Variants in KIR3DL1 observed in about 807,000 individuals in gnomAD.
KIR3DL1 encodes killer cell immunoglobulin-like receptor 3DL1.
A neutral mutation model predicts 40.3 loss-of-function variants in KIR3DL1; 50 were observed. The ratio of observed to expected loss-of-function variants is 1.24; its 90% CI spans 0.99 to 1.57. KIR3DL1 has a LOEUF of 1.57. KIR3DL1 is among the 40% of genes most tolerant of loss of function. KIR3DL1 has a pLI of 0.00. For missense variants in KIR3DL1, 661 were observed against 559.9 expected (o/e 1.18, Z -1.82); for synonymous variants, 257 against 207.2 (o/e 1.24, Z -2.07).
intron 5 of KIR3DL1, among the ~76,000 whole-genome samples, chr19:54,824,685 C>CA (rs1162667016): frequency 3.0e-5 from 3 of 101,676 alleles, no homozygotes; most frequent in African/African-American, 1.0e-4. Context: ...CACACACACA[C>CA]AAAAAAAGCC....
intron 6 of KIR3DL1, among the ~76,000 whole-genome samples, chr19:54,827,338 C>G (rs1326922526): frequency 6.6e-6 from 1 of 151,064 alleles, no homozygotes; most frequent in Non-Finnish European, 1.5e-5. Flanking sequence ...ACTCCTGTAA[C>G]CCAGCACTGC....
At chr19:54,819,622 G>A (rs2061527835) in intron 3 of KIR3DL1, 91 bp from the exon 4 acceptor site, 4 of 1,437,544 alleles carry the variant, frequency 2.8e-6, no homozygotes, top group Admixed American at 1.9e-5. Flanking sequence ...GAGAGAGACA[G>A]ACACGGGGAG....
At chr19:54,817,381 G>A (rs2061403432) in intron 1 of KIR3DL1, among the ~76,000 whole-genome samples, 153 bp from the exon 2 acceptor site, 2 of 146,366 alleles carry the variant, frequency 1.4e-5, no homozygotes, top group South Asian at 2.2e-4. Context: ...CTGCACAGCC[G>A]AGATCCTTGT....
At chr19:54,816,966 T>A (rs1397726412) in intron 1 of KIR3DL1, among the ~76,000 whole-genome samples, 1 of 135,652 alleles carries the variant, frequency 7.4e-6, no homozygotes, top group Non-Finnish European at 1.5e-5. Flanking sequence ...GGAGTGGAGA[T>A]ATGGGCCTAG....
Position 54,820,028 on chromosome 19 carries a change from C to T in KIR3DL1, c.655+16C>T, listed in dbSNP as rs765078485. 3.1e-6 allele frequency: 5 copies of T among 1,603,472 alleles called. No homozygotes were observed. Among genetic ancestry groups the T allele is most frequent in the Non-Finnish European group, 4.3e-6 (5 of 1,173,908 alleles). On this transcript the variant is annotated intron_variant, in intron 4 of 8. Transcript: ENST00000391728. ...GTGGTCACAGGTGAGAGTGTCTAGA[C>T]ATTGTTCTCATTGTCACTGGGACAC...
At chr19:54,827,922 TG>T (rs1418992447) in intron 6 of KIR3DL1, among the ~76,000 whole-genome samples, 7 of 150,060 alleles carry the variant, frequency 4.7e-5, no homozygotes, top group South Asian at 2.1e-4. Context: ...TCCAATCACC[TG>T]TGGAAATACA....
rs1450686780 is a variant in KIR3DL1, at chr19:54,818,999, G to A, written c.355+400G>A. Among the ~76,000 whole-genome samples, 7 of 150,854 alleles carry A rather than the reference G, an allele frequency of 4.6e-5. No homozygotes were observed. In the East Asian group the frequency reaches 5.8e-4, roughly 13 times the overall value. On this transcript the variant is annotated intron_variant, in intron 3 of 8. Coordinates refer to ENST00000391728, the Ensembl canonical transcript of KIR3DL1. ...GGAGGGAGACGCTATCAGCCACTGC[G>A]GGCTTTGAAGGTGGAGGAAGACCAC...
intron 6 of KIR3DL1, among the ~76,000 whole-genome samples, chr19:54,827,467 C>T (rs28382394): frequency 0.044 from 6,613 of 149,926 alleles, 379 homozygotes; most frequent in East Asian, 0.09. Context: ...CAAAAATTAG[C>T]CGAGCATGGT....
intron 5 of KIR3DL1, among the ~76,000 whole-genome samples, chr19:54,822,389 C>T (rs1371351474): frequency 6.6e-6 from 1 of 151,130 alleles, no homozygotes; most frequent in Non-Finnish European, 1.5e-5. Flanking sequence ...CTTTGAGAGG[C>T]CAAGGAAGGT....
At chr19:54,817,030 G>T (rs2061378850) in intron 1 of KIR3DL1, among the ~76,000 whole-genome samples, 1 of 147,018 alleles carries the variant, frequency 6.8e-6, no homozygotes, top group African/African-American at 2.6e-5. Flanking sequence ...GGAGATCTGG[G>T]CCTGGAGTGG....
chr19:54,819,705 C>T lies in KIR3DL1; in HGVS notation c.356-8C>T, dbSNP rs1358907782. On this transcript the variant is annotated splice_polypyrimidine_tract_variant and splice_region_variant and intron_variant, in intron 3 of 8. Coordinates refer to ENST00000391728, the Ensembl canonical transcript of KIR3DL1. ...GATGCCTTCTAAACTCACAACTTCT[C>T]TTTCTAGGAAACCACAGAAAACCTT... 1,185 of 1,606,044 alleles carry T rather than the reference C, an allele frequency of 7.4e-4. 31 individuals carry two copies. In the Admixed American group the frequency reaches 0.013, roughly 18 times the overall value.
At chr19:54,821,513 G>A in intron 4 of KIR3DL1, 52 bp from the exon 5 acceptor site, 1 of 1,563,262 alleles carries the variant, frequency 6.4e-7, no homozygotes, top group East Asian at 2.3e-5. Flanking sequence ...GGTATGAGGG[G>A]AGCTATGACA....
intron 6 of KIR3DL1, among the ~76,000 whole-genome samples, chr19:54,825,329 T>C (rs2061828472): frequency 6.6e-6 from 1 of 150,868 alleles, no homozygotes; most frequent in South Asian, 2.1e-4. Flanking sequence ...CTGACATCCT[T>C]CTCAGGAAAC....
Position 54,821,926 on chromosome 19 carries a change from A to G in KIR3DL1, c.949+68A>G, listed in dbSNP as rs925160953. 3.3e-6 allele frequency: 5 copies of G among 1,520,092 alleles called. No homozygotes were observed. In the African/African-American group the frequency reaches 5.6e-5, roughly 17 times the overall value. 94.2% of individuals were successfully genotyped at this position (1,520,092 alleles called of 1,614,324 possible). ...TCCTTAGCTAAGGAGCTTCCTGCTG[A>G]TGATGGAGAAAAGCATGGACAGATG... is the stretch of plus-strand genomic sequence containing the variant. On this transcript the variant is annotated intron_variant, in intron 5 of 8. Transcript: ENST00000391728.
chr19:54,816,811 T>TATGG (rs10664307), intron 1 of KIR3DL1, among the ~76,000 whole-genome samples: 22,760 of 83,306 alleles, frequency 0.27, 4,267 homozygotes, highest in East Asian at 0.49. Flanking sequence ...GGAGGGGAGA[T>TATGG]ATGGGCCTGG....
intron 1 of KIR3DL1, among the ~76,000 whole-genome samples, chr19:54,816,849 T>G (rs1601289500): frequency 1.1e-5 from 1 of 90,292 alleles, no homozygotes; most frequent in African/African-American, 5.0e-5. Context: ...AGAGGTGGAG[T>G]GATGGGCCTA....
At chr19:54,822,195 AC>A (rs2061674819) in intron 5 of KIR3DL1, among the ~76,000 whole-genome samples, 1 of 151,214 alleles carries the variant, frequency 6.6e-6, no homozygotes, top group Non-Finnish European at 1.5e-5. Flanking sequence ...ATGGCCTCTC[AC>A]CCACACAGAG....
intron 1 of KIR3DL1, 65 bp downstream of exon 1, chr19:54,816,599 A>ATATGGGCCTAGAGGTGGAGT: frequency 2.7e-6 from 4 of 1,472,844 alleles, no homozygotes; most frequent in Non-Finnish European, 3.7e-6. Context: ...GGAGGTAAAG[A>ATATGGGCCTAGAGGTGGAGT]TATGGGCCTA....
intron 1 of KIR3DL1, among the ~76,000 whole-genome samples, chr19:54,817,135 G>A (rs1285175884): frequency 3.3e-4 from 49 of 148,532 alleles, no homozygotes; most frequent in Non-Finnish European, 6.2e-4. Flanking sequence ...GCCTGGAGAG[G>A]AGATAGAAGC....
Sources: gnomAD v4.1 joint callset for allele counts (sites outside exome capture counted in the v4.1 genomes callset) on GRCh38, gnomAD v4.1.1 for gene constraint, MANE v1.5 for transcripts, NCBI Gene and HGNC (gene_info 2026-07-23, HGNC 2026-07-21) for gene names.